The following CTNNBIP1 variants were observed in gnomAD, a reference collection of about 807,000 sequenced individuals.
The protein encoded by CTNNBIP1 is beta-catenin-interacting protein 1.
In CTNNBIP1, 7 loss-of-function variants were observed where a neutral mutation model predicts 11.8. That is an observed-to-expected ratio of 0.60 (90% CI 0.34 to 1.12). CTNNBIP1 has a LOEUF of 1.12. Among genes scored for constraint, CTNNBIP1 ranks in the 50% most tolerant of loss-of-function variants. CTNNBIP1 has a pLI of 0.03. For synonymous variants in CTNNBIP1, 58 were observed against 43.9 expected (o/e 1.32, Z -1.26); for missense variants, 101 against 113.4 (o/e 0.89, Z 0.50).
intron 3 of CTNNBIP1, among the ~76,000 whole-genome samples, chr1:9,876,454 A>C (rs533885399): frequency 2.0e-5 from 3 of 152,126 alleles, no homozygotes; most frequent in African/African-American, 4.8e-5. Context: ...CAGTCTCTAT[A>C]AAAAATACAA....
rs1371570521 is a variant in CTNNBIP1 at position 9,871,847 on chromosome 1, T to A, written c.96+122A>T. 7 of 795,954 alleles carry A rather than the reference T, an allele frequency of 8.8e-6. No homozygotes were observed. The highest frequency in any genetic ancestry group is 6.3e-6 in the Non-Finnish European group (3 of 478,156). 49.3% of individuals were successfully genotyped at this position (795,954 alleles called of 1,614,324 possible). On this transcript the variant is annotated intron_variant, in intron 4 of 5. Transcript: ENST00000377263. The surrounding 1 kb of genome is among the most constrained non-coding windows in gnomAD (Gnocchi z 5.2). Reference sequence around the variant, plus strand: ...GCCAAGCCACAGGCCCAGCGGCCCCTCCTCAGCCCGTGGCTCCGCAGGAGG... The same window carrying A: ...GCCAAGCCACAGGCCCAGCGGCCCCACCTCAGCCCGTGGCTCCGCAGGAGG...
At chr1:9,874,128 C>T (rs1638918015) in intron 3 of CTNNBIP1, among the ~76,000 whole-genome samples, 1 of 152,184 alleles carries the variant, frequency 6.6e-6, no homozygotes, top group South Asian at 2.1e-4. Context: ...TCCTCTTCCC[C>T]TTGCTCTGCC....
At chr1:9,888,135 A>G (rs996447726) in intron 1 of CTNNBIP1, among the ~76,000 whole-genome samples, 3 of 151,860 alleles carry the variant, frequency 2.0e-5, no homozygotes, top group African/African-American at 7.2e-5. Flanking sequence ...ATTAATTTTT[A>G]AAAAGAAAAT....
intron 1 of CTNNBIP1, among the ~76,000 whole-genome samples, chr1:9,889,605 G>A (rs1016586720): frequency 6.6e-6 from 1 of 152,136 alleles, no homozygotes; most frequent in African/African-American, 2.4e-5. Flanking sequence ...CGAGGCCTGT[G>A]TCTGCACATC....
intron 5 of CTNNBIP1, among the ~76,000 whole-genome samples, chr1:9,857,244 G>A (rs1357185364): frequency 6.6e-6 from 1 of 151,042 alleles, no homozygotes; most frequent in Non-Finnish European, 1.5e-5. Context: ...ACTTTGGGGG[G>A]CCAAGATGGG....
rs1037516929 is a variant in CTNNBIP1 at position 9,872,918 on chromosome 1, C to T, written c.-24-830G>A. ...TAACTCCTGGATGAGTCAGAAATAA[C>T]GCAGCAGCTGCTGGGGTGGAGCCTT... On this transcript the variant is annotated intron_variant, in intron 3 of 5. Coordinates refer to ENST00000377263, the MANE Select transcript of CTNNBIP1 (RefSeq NM_020248.3). This position sits in a 1 kb window ranked among gnomAD's most constrained non-coding sequence, Gnocchi z 4.0. Among the ~76,000 whole-genome samples, 18 of 152,134 alleles carry T rather than the reference C, an allele frequency of 1.2e-4. No homozygotes were observed. The highest frequency in any genetic ancestry group is 1.7e-4 in the African/African-American group (7 of 41,410).
chr1:9,860,324 C>T (rs1407652451), intron 5 of CTNNBIP1, among the ~76,000 whole-genome samples: 4 of 150,014 alleles, frequency 2.7e-5, no homozygotes, highest in African/African-American at 4.9e-5. Context: ...GGTGTGGTGG[C>T]TCATGCCTGT....
At chr1:9,886,427 G>A (rs560327956) in intron 1 of CTNNBIP1, among the ~76,000 whole-genome samples, 9 of 152,334 alleles carry the variant, frequency 5.9e-5, no homozygotes, top group South Asian at 4.1e-4. Context: ...CATGTGTCCC[G>A]TAGGGGACAA....
Position 9,860,618 on chromosome 1 carries a change from CAAA to C in CTNNBIP1, c.188-9845_188-9843del, listed in dbSNP as rs35598626. ...GGCAACAGAGCAAGACTTCATCTCT[CAAA>C]AAAAAAAAAAAAAAGAAAAAAGAAT... On this transcript the variant is annotated intron_variant, in intron 5 of 5. Transcript: ENST00000377263. Among the ~76,000 whole-genome samples the C allele has an allele frequency of 1.1e-4, 11 of 101,126 alleles. No homozygotes were observed. In the South Asian group the frequency reaches 1.9e-3, roughly 18 times the overall value. The allele number at this position is 101,126 out of a possible 152,430, so 66.3% of individuals were successfully genotyped here. A position where few individuals can be genotyped will look rare whatever the true frequency, so the allele number is the denominator to read the frequency against.
At chr1:9,857,055 G>C (rs949531549) in intron 5 of CTNNBIP1, among the ~76,000 whole-genome samples, 1 of 151,578 alleles carries the variant, frequency 6.6e-6, no homozygotes, top group African/African-American at 2.4e-5. Flanking sequence ...CCGGGAGGCA[G>C]AGGTTGCAGT....
At chr1:9,899,379 C>G (rs1334918928) in intron 1 of CTNNBIP1, among the ~76,000 whole-genome samples, 3 of 148,740 alleles carry the variant, frequency 2.0e-5, no homozygotes. Flanking sequence ...TCGCTGGAAC[C>G]TGGGAGGCAC....
intron 1 of CTNNBIP1, among the ~76,000 whole-genome samples, chr1:9,900,279 CA>C (rs76911373): frequency 0.12 from 17,835 of 151,824 alleles, 2,886 homozygotes; most frequent in African/African-American, 0.35. Flanking sequence ...CTTGTGGTCC[CA>C]ACTACTTGGG....
chr1:9,871,464 G>A lies in CTNNBIP1; in HGVS notation c.97-187C>T, dbSNP rs1485013100. On this transcript the variant is annotated intron_variant, in intron 4 of 5. Transcript: ENST00000377263. This position sits in a 1 kb window ranked among gnomAD's most constrained non-coding sequence, Gnocchi z 5.2. ...CCCACTCCCACCCTCCTTAAACTTG[G>A]TCCAGGGGTCCAAAGCCTTTGCCAC... 6.6e-6 allele frequency among the ~76,000 whole-genome samples: 1 copy of A among 151,816 alleles called. No individual in the cohort carries two copies. The highest frequency in any genetic ancestry group is 1.5e-5 in the Non-Finnish European group (1 of 67,944).
chr1:9,904,120 A>G (rs1459316539), intron 1 of CTNNBIP1, among the ~76,000 whole-genome samples: 1 of 152,206 alleles, frequency 6.6e-6, no homozygotes, highest in Non-Finnish European at 1.5e-5. Context: ...TCATAGTAAG[A>G]AAACCAGCTA....
At chr1:9,896,922 G>A (rs907434010) in intron 1 of CTNNBIP1, among the ~76,000 whole-genome samples, 5 of 150,570 alleles carry the variant, frequency 3.3e-5, no homozygotes, top group East Asian at 2.0e-4. Context: ...AGCCGAGATC[G>A]TGCCACTGCA....
intron 5 of CTNNBIP1, among the ~76,000 whole-genome samples, chr1:9,865,473 G>A (rs976005736): frequency 3.3e-5 from 5 of 151,628 alleles, no homozygotes; most frequent in Non-Finnish European, 5.9e-5. Flanking sequence ...GCGTGGTGGC[G>A]GGCGCCTGTA....
chr1:9,903,540 G>A (rs564531006), intron 1 of CTNNBIP1, among the ~76,000 whole-genome samples: 1 of 152,236 alleles, frequency 6.6e-6, no homozygotes, highest in Non-Finnish European at 1.5e-5. Flanking sequence ...TGGAAGACCA[G>A]AGCATAATAG....
rs116361063 is a variant in CTNNBIP1, at chr1:9,868,540, A to T, written c.187+2647T>A. 4.3e-3 allele frequency among the ~76,000 whole-genome samples: 655 copies of T among 152,368 alleles called. 3 individuals are homozygous for T. The highest frequency in any genetic ancestry group is 7.4e-3 in the Non-Finnish European group (503 of 68,040). On this transcript the variant is annotated intron_variant, in intron 5 of 5. Transcript: ENST00000377263. ...TAACTTTCCCTTATGACAAAGAAAC[A>T]AATGTACAATGTTAAAATATTAGTT...
chr1:9,904,105 C>G (rs1212672017), intron 1 of CTNNBIP1, among the ~76,000 whole-genome samples: 1 of 152,202 alleles, frequency 6.6e-6, no homozygotes, highest in African/African-American at 2.4e-5. Flanking sequence ...GAGCACGTAT[C>G]ATTCTCATAG....
Sources: allele counts gnomAD v4.1 joint callset (sites outside exome capture counted in the v4.1 genomes callset), GRCh38; gene constraint gnomAD v4.1.1; non-coding constraint Gnocchi (gnomAD v3.1); transcripts MANE v1.5; gene names NCBI Gene and HGNC (gene_info 2026-07-23, HGNC 2026-07-21).